KIF7: variants seen among roughly 807,000 people sequenced by gnomAD.
KIF7 encodes kinesin-like protein KIF7.
A neutral mutation model predicts 135.7 loss-of-function variants in KIF7; 104 were observed. The observed-to-expected ratio is 0.77, with a 90% confidence interval of 0.65 to 0.90. The LOEUF (loss-of-function observed/expected upper bound fraction) is 0.90, where lower values mean the gene tolerates loss of function less well. Ranked by LOEUF, KIF7 falls within the 40% of genes least tolerant of loss-of-function variation. The pLI is 0.00. For synonymous variants in KIF7, 883 were observed against 809.4 expected (o/e 1.09, Z -1.54); for missense variants, 2,005 against 1,839.1 (o/e 1.09, Z -1.65).
chr15:89,652,865 A>G lies in KIF7; in HGVS notation c.66T>C (p.Val22=). ...GCAGCTCCTTGGGCAGCAGTGGTCGAACTCGCAGGGCAACCCGCACTGGGG... is the reference window on the plus strand; with the variant it reads ...GCAGCTCCTTGGGCAGCAGTGGTCGGACTCGCAGGGCAACCCGCACTGGGG... ...EEAPVRVALR[V]RPLLPKELLH... is the part of the protein sequence containing the mutation. Residue 22 remains valine (V), a synonymous_variant, in exon 2 of 19, where the codon GTT becomes GTC. Coordinates refer to ENST00000394412, the MANE Select transcript of KIF7 (RefSeq NM_198525.3). The G allele has an allele frequency of 5.2e-6, 8 of 1,546,626 alleles. No individual in the cohort carries two copies. The highest frequency in any genetic ancestry group is 7.0e-6 in the Non-Finnish European group (8 of 1,145,160).
At position 89,642,258 on chromosome 15, in the gene KIF7, C is replaced by T. The variant is rs370339841; in HGVS notation, c.2339G>A (p.Arg780Gln). 1.1e-5 allele frequency: 18 copies of T among 1,610,262 alleles called. No homozygotes were observed. The highest frequency in any genetic ancestry group is 1.3e-5 in the African/African-American group (1 of 74,888). Residue 780 changes from arginine (R) to glutamine (Q), a missense_variant, in exon 11 of 19, where the codon CGG becomes CAG. Arg to Gln is a conservative substitution (Grantham distance 43). Coordinates refer to ENST00000394412, the MANE Select transcript of KIF7 (RefSeq NM_198525.3). Reference sequence around the variant, plus strand: ...CCTGCGGAACTCCTGGAGCCGAGACCGCTCGCCAGCATCCTGGAGCTCCTT... The same window carrying T: ...CCTGCGGAACTCCTGGAGCCGAGACTGCTCGCCAGCATCCTGGAGCTCCTT... Reference protein sequence around the residue: ...EGKELQDAGERSRLQEFRRRV... With the variant: ...EGKELQDAGEQSRLQEFRRRV...
At position 89,628,758 on chromosome 15, in the gene KIF7, C is replaced by T. The variant is rs1365398878; in HGVS notation, c.3693G>A (p.Glu1231=). The change falls in exon 19 of 19, where the codon GAG becomes GAA. Residue 1231 remains glutamate (E), a synonymous_variant. Transcript: ENST00000394412. The part of the protein sequence containing the change: ...RGGEKRSLCS[E]GRQAPGNEDE... Reference sequence around the variant, plus strand: ...CTTCATTTCCAGGAGCCTGTCTGCCCTCCGAGCACAGGCTCCTCTTCTCCC... The same window carrying T: ...CTTCATTTCCAGGAGCCTGTCTGCCTTCCGAGCACAGGCTCCTCTTCTCCC... 6.2e-7 allele frequency: 1 copy of T among 1,612,276 alleles called. No homozygotes were observed. The highest frequency in any genetic ancestry group is 8.5e-7 in the Non-Finnish European group (1 of 1,179,992).
chr15:89,633,240 C>T lies in KIF7; in HGVS notation c.2619G>A (p.Gln873=). 1 of 1,582,560 alleles carries T rather than the reference C, an allele frequency of 6.3e-7. No individual in the cohort carries two copies. The highest frequency in any genetic ancestry group is 8.6e-7 in the Non-Finnish European group (1 of 1,166,866). ...CCGTCTTAATCTTCAGGATCTTCTG[C>T]TGTTGCTCATGCTTCAGCTCCAGCT... ...VKELELKHEQ[Q]QKILKIKTEE... The change falls in exon 13 of 19, where the codon CAG becomes CAA. Residue 873 remains glutamine, a synonymous_variant. Transcript: ENST00000394412.
In KIF7 at chr15:89,646,978, C is replaced by T; in HGVS notation, c.1640G>A (p.Gly547Asp). Reference protein sequence around the residue: ...RLELVRPGWGGPRLLNGLPPG... With the variant: ...RLELVRPGWGDPRLLNGLPPG... ...AGGCAGGCCATTCAGGAGCCGCGGGCCCCCCCAGCCTGGCCGCACCAGCTC... is the reference window on the plus strand; with the variant it reads ...AGGCAGGCCATTCAGGAGCCGCGGGTCCCCCCAGCCTGGCCGCACCAGCTC... The change falls in exon 7 of 19, where the codon GGC becomes GAC. Residue 547 changes from glycine (G) to aspartate (D), a missense_variant. Transcript: ENST00000394412. The T allele has an allele frequency of 2.5e-6, 4 of 1,612,560 alleles. No individual in the cohort carries two copies. Among genetic ancestry groups the T allele is most frequent in the Non-Finnish European group, 3.4e-6 (4 of 1,179,488 alleles).
At chr15:89,636,053 C>A (rs1436820890) in intron 11 of KIF7, among the ~76,000 whole-genome samples, 1 of 151,944 alleles carries the variant, frequency 6.6e-6, no homozygotes, top group African/African-American at 2.4e-5. Flanking sequence ...AATTTTCAAC[C>A]CAGAATTTCA....
chr15:89,648,101 G>T (rs1482534222), intron 5 of KIF7, among the ~76,000 whole-genome samples, 154 bp downstream of exon 5: 1 of 152,126 alleles, frequency 6.6e-6, no homozygotes, highest in Admixed American at 6.5e-5. Flanking sequence ...AGTTAAGGAA[G>T]TGACCACGGT....
chr15:89,624,790 G>C, downstream of KIF7: 1 of 1,614,238 alleles, frequency 6.2e-7, no homozygotes. Flanking sequence ...GCTAAGGACA[G>C]CAGATGCTGA....
chr15:89,625,078 A>G (rs1157185650), downstream of KIF7: 11 of 1,613,864 alleles, frequency 6.8e-6, no homozygotes, highest in Admixed American at 1.7e-4. Flanking sequence ...TGAGCCCCTC[A>G]GCAAGGAGGA....
At chr15:89,622,323 T>C (rs2141982555) in intron 1 of KIF7, among the ~76,000 whole-genome samples, 1 of 152,124 alleles carries the variant, frequency 6.6e-6, no homozygotes, top group East Asian at 1.9e-4. Flanking sequence ...TCTTCTCCCC[T>C]ACTGCAATTC....
In KIF7 at chr15:89,631,548, G is replaced by C; in HGVS notation, c.3058C>G (p.Gln1020Glu). 6.3e-7 allele frequency: 1 copy of C among 1,582,292 alleles called. No homozygotes were observed. Among genetic ancestry groups the C allele is most frequent in the Non-Finnish European group, 8.6e-7 (1 of 1,163,168 alleles). Residue 1020 changes from glutamine (Q) to glutamate (E), a missense_variant, in exon 15 of 19, where the codon CAG becomes GAG. By Grantham distance (29) the Gln-to-Glu change is conservative. Coordinates refer to ENST00000394412, the MANE Select transcript of KIF7 (RefSeq NM_198525.3). ...LRQEKDSLLKQRLEIDGKLRQ... is the reference protein window; with the variant it reads ...LRQEKDSLLKERLEIDGKLRQ... Reference sequence around the variant, plus strand: ...AGCTTGCCGTCGATCTCCAGGCGCTGCTTGAGCAGCGAGTCCTTCTCCTGG... The same window carrying C: ...AGCTTGCCGTCGATCTCCAGGCGCTCCTTGAGCAGCGAGTCCTTCTCCTGG...
intron 14 of KIF7, among the ~76,000 whole-genome samples, chr15:89,632,115 C>T (rs1963692640): frequency 1.3e-5 from 2 of 152,194 alleles, no homozygotes; most frequent in African/African-American, 4.8e-5. Context: ...AGGGAAGTTA[C>T]GGATCATTCC....
At chr15:89,644,294 A>G (rs1225346155) in intron 10 of KIF7, among the ~76,000 whole-genome samples, 3 of 152,236 alleles carry the variant, frequency 2.0e-5, no homozygotes, top group African/African-American at 4.8e-5. Flanking sequence ...GGAGACGCTC[A>G]GTCCTCCATG....
intron 11 of KIF7, among the ~76,000 whole-genome samples, chr15:89,636,711 C>T (rs1325396329): frequency 1.6e-5 from 1 of 61,984 alleles, no homozygotes; most frequent in African/African-American, 7.8e-5. Context: ...GAGACTTAGA[C>T]TCCCACACAT....
At position 89,645,332 on chromosome 15, in the gene KIF7, T is replaced by A; in HGVS notation, c.2038+4A>T. 1 of 1,613,378 alleles carries A rather than the reference T, an allele frequency of 6.2e-7. No homozygotes were observed. Among genetic ancestry groups the A allele is most frequent in the Non-Finnish European group, 8.5e-7 (1 of 1,179,332 alleles). On this transcript the variant is annotated splice_donor_region_variant and intron_variant, in intron 9 of 18. Transcript: ENST00000394412. ...AGGCCCTCTCTGCATCCCACCCAGC[T>A]TACCTCTGGACCCTGGAATGGCTGC...
chr15:89,637,101 G>A (rs2142008193), intron 11 of KIF7, among the ~76,000 whole-genome samples: 3 of 96,616 alleles, frequency 3.1e-5, no homozygotes, highest in East Asian at 2.6e-4. Context: ...ACGAAATGAA[G>A]GCAGAAATAA....
At chr15:89,631,875 G>A (rs1448188450) in intron 14 of KIF7, among the ~76,000 whole-genome samples, 165 bp from the exon 15 acceptor site, 1 of 152,238 alleles carries the variant, frequency 6.6e-6, no homozygotes, top group African/African-American at 2.4e-5. Flanking sequence ...AGAGACTCCA[G>A]GAGGCGGGGC....
At chr15:89,635,249 A>C (rs575699468) in intron 11 of KIF7, among the ~76,000 whole-genome samples, 4 of 152,372 alleles carry the variant, frequency 2.6e-5, no homozygotes, top group East Asian at 1.9e-4. Flanking sequence ...GAAAAAATGG[A>C]AACTCTAAAA....
intron 17 of KIF7, 121 bp downstream of exon 17, chr15:89,629,254 A>G: frequency 1.0e-6 from 1 of 957,108 alleles, no homozygotes; most frequent in Middle Eastern, 3.7e-4. Flanking sequence ...CCAGGGCTGT[A>G]GGTGCAGGGG....
Position 89,630,772 on chromosome 15 carries a change from G to T in KIF7, c.3112-279C>A, listed in dbSNP as rs75833016. 3,941 of 528,682 alleles carry T rather than the reference G, an allele frequency of 7.5e-3. 131 individuals carry two copies. Among genetic ancestry groups the T allele is most frequent in the African/African-American group, 0.068 (3,562 of 52,508 alleles). The allele number at this position is 528,682 out of a possible 1,614,324, so 32.7% of individuals were successfully genotyped here. The stretch of plus-strand genomic sequence containing the variant: ...TCAGAGCACCCTAACCAAACAAAAG[G>T]CATGGTTGGGACAGCCACGGAGGCA... On this transcript the variant is annotated intron_variant, in intron 15 of 18. Transcript: ENST00000394412.
Sources: allele counts gnomAD v4.1 joint callset (sites outside exome capture counted in the v4.1 genomes callset), GRCh38; gene constraint gnomAD v4.1.1; transcripts MANE v1.5; gene names NCBI Gene and HGNC (gene_info 2026-07-23, HGNC 2026-07-21).